TEAD2: variants seen among roughly 807,000 people sequenced by gnomAD.
The protein encoded by TEAD2 is TEA domain transcription factor 2.
Under a neutral mutation model 61.4 loss-of-function variants are expected in TEAD2, and 51 were observed. The observed-to-expected ratio is 0.83, with a 90% CI of 0.66 to 1.05. The LOEUF is 1.05. Among genes scored for constraint, TEAD2 ranks in the 50% least tolerant of loss-of-function variants. The pLI is 0.00. For missense variants in TEAD2, 509 were observed against 600.0 expected, an observed-to-expected ratio of 0.85 and a Z score of 1.58; for synonymous variants, 244 against 243.2, an observed-to-expected ratio of 1.00 and a Z score of -0.03.
In TEAD2 at chr19:49,351,711, C is replaced by T. The variant is rs200461306; in HGVS notation, c.540-346G>A. ...AGAAAGAGAAGAGAAACCAGCCTGG[C>T]GTGGTGGCTCACACCTGTAATCCCA... On this transcript the variant is annotated intron_variant, in intron 7 of 12. Transcript: ENST00000593945. Among the ~76,000 whole-genome samples the T allele has an allele frequency of 1.2e-3, 176 of 152,070 alleles. 2 individuals carry two copies. Among genetic ancestry groups the T allele is most frequent in the Admixed American group, 8.6e-3 (131 of 15,268 alleles).
intron 9 of TEAD2, 28 bp from the exon 10 acceptor site, chr19:49,347,391 G>C (rs1000923304): frequency 6.3e-7 from 1 of 1,596,602 alleles, no homozygotes; most frequent in Middle Eastern, 1.7e-4. Flanking sequence ...TGGGTGAGAA[G>C]TCGGAGGTGA....
chr19:49,361,693 A>T (rs986086986), intron 1 of TEAD2: 2 of 152,212 alleles, frequency 1.3e-5, no homozygotes, highest in African/African-American at 4.8e-5. Context: ...AACTTTTTCC[A>T]ATACAGTCAG....
chr19:49,348,928 C>G (rs541403735), intron 8 of TEAD2, 83 bp from the exon 9 acceptor site: 2 of 1,419,730 alleles, frequency 1.4e-6, no homozygotes, highest in South Asian at 3.1e-5. Context: ...CCTGCCTCCA[C>G]TTAGAAGCTG....
chr19:49,349,939 G>A (rs561343470), intron 8 of TEAD2, among the ~76,000 whole-genome samples: 8 of 152,278 alleles, frequency 5.3e-5, no homozygotes, highest in East Asian at 1.9e-4. Context: ...AAGCCCACAC[G>A]GGAACAGCCC....
At chr19:49,345,792 G>A (rs971879105) in intron 10 of TEAD2, among the ~76,000 whole-genome samples, 1 of 152,146 alleles carries the variant, frequency 6.6e-6, no homozygotes, top group African/African-American at 2.4e-5. Flanking sequence ...ACTTTGGGAG[G>A]CCAAGGTGGG....
chr19:49,356,444 C>T (rs1429713559), intron 4 of TEAD2, among the ~76,000 whole-genome samples: 2 of 147,884 alleles, frequency 1.4e-5, no homozygotes, highest in East Asian at 2.0e-4. Flanking sequence ...GACAGAAAAA[C>T]CCCCACACAC....
chr19:49,343,193 C>A (rs1013471345), intron 11 of TEAD2, 38 bp downstream of exon 11: 9 of 1,579,880 alleles, frequency 5.7e-6, no homozygotes, highest in Non-Finnish European at 7.7e-6. Context: ...TTCTGCACCC[C>A]CAAGTGCTGA....
chr19:49,357,713 G>A (rs534507735), intron 3 of TEAD2: 2 of 271,018 alleles, frequency 7.4e-6, no homozygotes, highest in African/African-American at 4.3e-5. Context: ...AGGCCTGGTG[G>A]GAGGTATTGG....
At chr19:49,343,107 A>T in intron 11 of TEAD2, 124 bp downstream of exon 11, 1 of 1,178,110 alleles carries the variant, frequency 8.5e-7, no homozygotes, top group Non-Finnish European at 1.2e-6. Flanking sequence ...CGCATGCATT[A>T]AACCCTCAAA....
At chr19:49,347,742 C>T (rs1471012415) in intron 9 of TEAD2, among the ~76,000 whole-genome samples, 1 of 152,184 alleles carries the variant, frequency 6.6e-6, no homozygotes, top group Non-Finnish European at 1.5e-5. Context: ...CCCCAGCAGC[C>T]CCAGGGCAAA....
rs973889376 is a variant in TEAD2 at position 49,359,970 on chromosome 19, C to T, written c.106G>A (p.Asp36Asn). The T allele has an allele frequency of 2.5e-6, 4 of 1,610,446 alleles. No homozygotes were observed. The African/African-American group carries it at 4.0e-5, about 16-fold the overall frequency. Residue 36 changes from aspartate to asparagine, a missense_variant, in exon 2 of 13, where the codon GAC becomes AAC. By Grantham distance (23) the Asp-to-Asn change is conservative. Transcript: ENST00000593945. This position sits in a 1 kb window ranked among gnomAD's most constrained non-coding sequence, Gnocchi z 4.1. Reference sequence around the variant, plus strand: ...ACCCCCTCTGCATCCGGGCCCCCGTCACCCCCAGCCCCCTCACTGCCGCCG... The same window carrying T: ...ACCCCCTCTGCATCCGGGCCCCCGTTACCCCCAGCCCCCTCACTGCCGCCG... ...GTGGSEGAGG[D>N]GGPDAEGVWS...
rs1971232407 is a variant in TEAD2, at chr19:49,341,147, C to A, written c.*177G>T. ...TTCCTCAGTCCCAGCCTGTTCAGCT[C>A]TCCAACCAAGTTTTGGGGGCCCCTC... On this transcript the variant is annotated 3_prime_UTR_variant, in exon 13 of 13. Coordinates refer to ENST00000593945, the MANE Select transcript of TEAD2 (RefSeq NM_001256660.2). This position sits in a 1 kb window ranked among gnomAD's most constrained non-coding sequence, Gnocchi z 4.2. The A allele has an allele frequency of 1.7e-6, 1 of 601,268 alleles. No individual in the cohort carries two copies. Among genetic ancestry groups the A allele is most frequent in the African/African-American group, 1.9e-5 (1 of 53,896 alleles). The allele number at this position is 601,268 out of a possible 1,614,324, so 37.2% of individuals were successfully genotyped here. A position where few individuals can be genotyped will look rare whatever the true frequency, so the allele number is the denominator to read the frequency against.
At position 49,344,136 on chromosome 19, in the gene TEAD2, C is replaced by T. The variant is rs550182209; in HGVS notation, c.922-738G>A. ...TGCTGGGATTACAGGCATGAGCCAC[C>T]GCGTCAGGCTTTCAAAGTTCTCCAA... is the stretch of plus-strand genomic sequence containing the variant. On this transcript the variant is annotated intron_variant, in intron 10 of 12. Transcript: ENST00000593945. Among the ~76,000 whole-genome samples, 16 of 150,350 alleles carry T rather than the reference C, an allele frequency of 1.1e-4. 1 individual carries two copies. The highest frequency in any genetic ancestry group is 3.9e-4 in the African/African-American group (16 of 40,872).
In TEAD2 at chr19:49,342,469, TTCA is replaced by T. The variant is rs771930222; in HGVS notation, c.1208_1210del (p.Met403del). ...GATGGTGAAGTTTTCCAGGACGCTG[TTCA>T]TCATGTATCGCTCAGGCAGCTGCCG... On this transcript the variant is annotated inframe_deletion, in exon 12 of 13. Coordinates refer to ENST00000593945, the MANE Select transcript of TEAD2 (RefSeq NM_001256660.2). 1.2e-6 allele frequency: 2 copies of T among 1,614,042 alleles called. No individual in the cohort carries two copies. Among genetic ancestry groups the T allele is most frequent in the Non-Finnish European group, 8.5e-7 (1 of 1,179,926 alleles).
chr19:49,357,590 A>G (rs1972492975), intron 3 of TEAD2: 1 of 543,680 alleles, frequency 1.8e-6, no homozygotes, highest in African/African-American at 1.9e-5. Context: ...ACCACTAGAA[A>G]AACTATCCCC....
rs774125493 is a variant in TEAD2 at position 49,355,183 on chromosome 19, C to A, written c.504G>T (p.Trp168Cys). The change falls in exon 7 of 13, where the codon TGG becomes TGT. Residue 168 changes from tryptophan to cysteine, a missense_variant. Physicochemically the swap from Trp to Cys is radical, Grantham distance 215. Transcript: ENST00000593945. The stretch of plus-strand genomic sequence containing the variant: ...TCCAGGGGGGCCCAGATCCTCCAGA[C>A]CAAAACTGGAAAAGCTCAGAGGCCT... Reference protein sequence around the residue: ...GPQASELFQFWSGGSGPPWNV... With the variant: ...GPQASELFQFCSGGSGPPWNV... 2.0e-5 allele frequency: 32 copies of A among 1,612,258 alleles called. No homozygotes were observed. In the Admixed American group the frequency reaches 4.9e-4, roughly 24 times the overall value.
In TEAD2 at chr19:49,341,284, G is replaced by A; in HGVS notation, c.*40C>T. 6.5e-7 allele frequency: 1 copy of A among 1,541,870 alleles called. No homozygotes were observed. Among genetic ancestry groups the A allele is most frequent in the South Asian group, 1.1e-5 (1 of 89,640 alleles). On this transcript the variant is annotated 3_prime_UTR_variant, in exon 13 of 13. Transcript: ENST00000593945. The surrounding 1 kb of genome is among the most constrained non-coding windows in gnomAD (Gnocchi z 4.2). ...TGAGCTGGAGGACCCTCCCTGGGAG[G>A]AGGGTGTTCTGGGGGGTGAGCCAGT...
intron 9 of TEAD2, 167 bp from the exon 10 acceptor site, chr19:49,347,530 T>C: frequency 1.4e-6 from 1 of 713,086 alleles, no homozygotes; most frequent in East Asian, 2.7e-5. Context: ...CACTCCTGCT[T>C]CTGCACCCAG....
intron 11 of TEAD2, 54 bp from the exon 12 acceptor site, chr19:49,342,644 AC>A: frequency 6.3e-7 from 1 of 1,590,322 alleles, no homozygotes; most frequent in African/African-American, 1.3e-5. Context: ...CCCACGGGTC[AC>A]CCCAGGAATT....
Sources: allele counts gnomAD v4.1 joint callset (sites outside exome capture counted in the v4.1 genomes callset), GRCh38; gene constraint gnomAD v4.1.1; non-coding constraint Gnocchi (gnomAD v3.1); transcripts MANE v1.5; gene names NCBI Gene and HGNC (gene_info 2026-07-23, HGNC 2026-07-21).